Variants in SDK2 observed in about 807,000 individuals in gnomAD.
SDK2 encodes sidekick cell adhesion molecule 2.
A neutral mutation model predicts 253.9 loss-of-function variants in SDK2; 105 were observed. The ratio of observed to expected loss-of-function variants is 0.41; its 90% CI spans 0.35 to 0.49. The LOEUF is 0.49. SDK2 is among the 20% of genes least tolerant of loss of function. The probability of loss-of-function intolerance (pLI) is 0.06; values close to 1 mark genes in which losing one functional copy is unlikely to be tolerated. For missense variants in SDK2, 2,608 were observed against 3,003.0 expected, an observed-to-expected ratio of 0.87 and a Z score of 3.07; for synonymous variants, 1,249 against 1,234.9, an observed-to-expected ratio of 1.01 and a Z score of -0.24.
At chr17:73,624,039 A>G (rs1316360761) in intron 1 of SDK2, among the ~76,000 whole-genome samples, 1 of 151,892 alleles carries the variant, frequency 6.6e-6, no homozygotes, top group African/African-American at 2.4e-5. Context: ...GGCCTCCTCA[A>G]CCTCCAGGCT....
chr17:73,366,107 C>A (rs912193755), intron 37 of SDK2, among the ~76,000 whole-genome samples: 1 of 152,174 alleles, frequency 6.6e-6, no homozygotes. Flanking sequence ...TATTGTCCGG[C>A]GCTGCCTCCC....
chr17:73,403,434 C>T (rs2063045845), intron 18 of SDK2, among the ~76,000 whole-genome samples: 1 of 152,072 alleles, frequency 6.6e-6, no homozygotes, highest in African/African-American at 2.4e-5. Flanking sequence ...CGCCCCCTCC[C>T]GCCTGTCTCG....
chr17:73,521,745 A>C (rs1444936714), intron 1 of SDK2, among the ~76,000 whole-genome samples: 1 of 151,776 alleles, frequency 6.6e-6, no homozygotes, highest in Non-Finnish European at 1.5e-5. Context: ...CCACATTTAC[A>C]GACTGCTCGA....
At chr17:73,439,817 G>A (rs1318818470) in intron 6 of SDK2, among the ~76,000 whole-genome samples, 2 of 152,190 alleles carry the variant, frequency 1.3e-5, no homozygotes, top group Admixed American at 6.5e-5. Context: ...GGGGAGAGGG[G>A]GCAGTGCATT....
chr17:73,404,093 G>C lies in SDK2; in HGVS notation c.2485-1952C>G, dbSNP rs924329565. Among the ~76,000 whole-genome samples the C allele has an allele frequency of 4.5e-4, 69 of 152,124 alleles. No homozygotes were observed. In the South Asian group the frequency reaches 6.4e-3, roughly 14 times the overall value. Reference sequence around the variant, plus strand: ...ACATGTGCCTTAAAACAATATCACTGGGCCTTACCCACAAAAATGACCCAG... The same window carrying C: ...ACATGTGCCTTAAAACAATATCACTCGGCCTTACCCACAAAAATGACCCAG... On this transcript the variant is annotated intron_variant, in intron 18 of 44. Transcript: ENST00000392650.
intron 1 of SDK2, among the ~76,000 whole-genome samples, chr17:73,528,612 C>T (rs893831178): frequency 6.6e-6 from 1 of 152,212 alleles, no homozygotes; most frequent in Admixed American, 6.5e-5. Flanking sequence ...ACAGCGAGGG[C>T]TGCTTGCTCT....
At chr17:73,346,498 C>A (rs972422254) in intron 44 of SDK2, among the ~76,000 whole-genome samples, 2 of 152,008 alleles carry the variant, frequency 1.3e-5, no homozygotes, top group African/African-American at 2.4e-5. Flanking sequence ...ATCAAACAGG[C>A]CTTTAAATCT....
chr17:73,608,314 A>G (rs1385118666), intron 1 of SDK2, among the ~76,000 whole-genome samples: 1 of 151,996 alleles, frequency 6.6e-6, no homozygotes, highest in Non-Finnish European at 1.5e-5. Flanking sequence ...CACGGAGGTA[A>G]AGGGCCCTTC....
intron 38 of SDK2, 105 bp downstream of exon 38, chr17:73,365,153 T>A: frequency 1.2e-6 from 1 of 801,932 alleles, no homozygotes; most frequent in Non-Finnish European, 1.8e-6. Flanking sequence ...ATGGGGAGAC[T>A]CTCACCGAAT....
At position 73,400,288 on chromosome 17, in the gene SDK2, A is replaced by G. The variant is rs535972720; in HGVS notation, c.2971+732T>C. 3.3e-5 allele frequency among the ~76,000 whole-genome samples: 5 copies of G among 152,290 alleles called. No individual in the cohort carries two copies. In the East Asian group the frequency reaches 9.7e-4, roughly 29 times the overall value. On this transcript the variant is annotated intron_variant, in intron 21 of 44. Coordinates refer to ENST00000392650, the MANE Select transcript of SDK2 (RefSeq NM_001144952.2). ...TGGACCTCGGCTTGCTCTCTGTGCCAGGCCTAGGAGTAGCCCCACCGTGCT... is the reference window on the plus strand; with the variant it reads ...TGGACCTCGGCTTGCTCTCTGTGCCGGGCCTAGGAGTAGCCCCACCGTGCT...
At chr17:73,641,802 T>C (rs2046402054) in intron 1 of SDK2, among the ~76,000 whole-genome samples, 1 of 151,850 alleles carries the variant, frequency 6.6e-6, no homozygotes, top group South Asian at 2.1e-4. Flanking sequence ...AAAAACTCAC[T>C]CTCTAACCCC....
At chr17:73,433,124 A>ACAGTC (rs2063340747) in intron 10 of SDK2, among the ~76,000 whole-genome samples, 1 of 143,094 alleles carries the variant, frequency 7.0e-6, no homozygotes, top group Non-Finnish European at 1.6e-5. Context: ...CATGCACGCT[A>ACAGTC]TAGTCTAGTC....
intron 33 of SDK2, among the ~76,000 whole-genome samples, chr17:73,382,465 C>G (rs1235297484): frequency 6.6e-6 from 1 of 152,198 alleles, no homozygotes; most frequent in Non-Finnish European, 1.5e-5. Flanking sequence ...ACTTCAGACC[C>G]AAACAAGCCA....
At chr17:73,424,941 C>T (rs944434903) in intron 12 of SDK2, among the ~76,000 whole-genome samples, 24 of 152,184 alleles carry the variant, frequency 1.6e-4, no homozygotes, top group African/African-American at 5.5e-4. Context: ...CAGAACCAGG[C>T]TGGGTGCATG....
chr17:73,347,286 G>A (rs1448679462), intron 44 of SDK2, among the ~76,000 whole-genome samples: 1 of 152,182 alleles, frequency 6.6e-6, no homozygotes, highest in African/African-American at 2.4e-5. Flanking sequence ...CTTGAACCCA[G>A]GAGGCAGAGG....
intron 1 of SDK2, among the ~76,000 whole-genome samples, chr17:73,598,648 C>T (rs560124965): frequency 1.6e-4 from 16 of 98,890 alleles, no homozygotes; most frequent in Admixed American, 3.9e-4. Context: ...GCAGCGGGCA[C>T]GACGTGGATC....
Position 73,338,153 on chromosome 17 carries a change from G to T in SDK2, c.*434C>A. 1 of 292,564 alleles carries T rather than the reference G, an allele frequency of 3.4e-6. No homozygotes were observed. Among genetic ancestry groups the T allele is most frequent in the Non-Finnish European group, 6.7e-6 (1 of 148,178 alleles). 18.1% of individuals were successfully genotyped at this position (292,564 alleles called of 1,614,324 possible). On this transcript the variant is annotated 3_prime_UTR_variant, in exon 45 of 45. Transcript: ENST00000392650. This position sits in a 1 kb window ranked among gnomAD's most constrained non-coding sequence, Gnocchi z 5.0. ...ATTCTTTTTGCAGAGAGCAGCGGCA[G>T]TGGGTCCAGGGGTCCTGGAGGGGCT...
intron 1 of SDK2, among the ~76,000 whole-genome samples, chr17:73,547,117 T>G (rs975520157): frequency 3.9e-5 from 6 of 152,230 alleles, no homozygotes; most frequent in African/African-American, 1.4e-4. Flanking sequence ...TTTAGCCAAG[T>G]CTCCTCTTTT....
chr17:73,339,067 G>A (rs2062408807), intron 44 of SDK2, 127 bp from the exon 45 acceptor site: 2 of 829,116 alleles, frequency 2.4e-6, no homozygotes, highest in Admixed American at 2.5e-5. Context: ...TTGGACTGTG[G>A]GCCTCCCAGC....
Sources: gnomAD v4.1 joint callset for allele counts (sites outside exome capture counted in the v4.1 genomes callset) on GRCh38, gnomAD v4.1.1 for gene constraint, Gnocchi (gnomAD v3.1) non-coding constraint, MANE v1.5 for transcripts, NCBI Gene and HGNC (gene_info 2026-07-23, HGNC 2026-07-21) for gene names.